Variants in ADGRL2 observed in about 807,000 individuals in gnomAD.
The protein encoded by ADGRL2 is calcium-independent alpha-latrotoxin receptor 2.
Under a neutral mutation model 157.4 loss-of-function variants are expected in ADGRL2, and 44 were observed. The ratio of observed to expected loss-of-function variants is 0.28; its 90% CI spans 0.22 to 0.36. The LOEUF is 0.36. ADGRL2 is among the 10% of genes least tolerant of loss of function. The pLI, the probability that ADGRL2 is intolerant of heterozygous loss-of-function variation, is 1.00. For missense variants in ADGRL2, 1,510 were observed against 1,768.9 expected, an observed-to-expected ratio of 0.85 and a Z score of 2.63; for synonymous variants, 585 against 624.7, an observed-to-expected ratio of 0.94 and a Z score of 0.95.
chr1:81,836,852 AT>A, intron 1 of ADGRL2, 32 bp from the exon 2 acceptor site: 1 of 571,130 alleles, frequency 1.8e-6, no homozygotes, highest in South Asian at 2.4e-5. Flanking sequence ...TAGAAAGACC[AT>A]AGAGTAAGTG....
At chr1:81,466,920 T>C (rs2078067820) in intron 2 of ADGRL2, among the ~76,000 whole-genome samples, 1 of 152,118 alleles carries the variant, frequency 6.6e-6, no homozygotes, top group Non-Finnish European at 1.5e-5. Context: ...GAAGAGGTAA[T>C]CAATCACTCT....
chr1:81,466,281 A>G (rs927835802), intron 2 of ADGRL2, among the ~76,000 whole-genome samples: 1 of 152,196 alleles, frequency 6.6e-6, no homozygotes, highest in Non-Finnish European at 1.5e-5. Context: ...CAAAAGGTAT[A>G]CAGTTATTAA....
At chr1:81,865,314 C>T (rs1165704999) in intron 2 of ADGRL2, among the ~76,000 whole-genome samples, 3 of 152,176 alleles carry the variant, frequency 2.0e-5, no homozygotes, top group Non-Finnish European at 1.5e-5. Context: ...AATCTCCAGT[C>T]AGACTCCTCC....
chr1:81,765,115 T>C (rs2086068321), intron 2 of ADGRL2, among the ~76,000 whole-genome samples: 1 of 151,998 alleles, frequency 6.6e-6, no homozygotes, highest in African/African-American at 2.4e-5. Flanking sequence ...TGAGATAACA[T>C]TGTAAATGAC....
chr1:81,746,067 C>T (rs190615097), intron 1 of ADGRL2, among the ~76,000 whole-genome samples: 2 of 151,948 alleles, frequency 1.3e-5, no homozygotes, highest in East Asian at 1.9e-4. Flanking sequence ...ATAACAGGAA[C>T]CTTCAGAGAT....
intron 17 of ADGRL2, among the ~76,000 whole-genome samples, chr1:81,979,114 G>C (rs1374877182): frequency 6.6e-6 from 1 of 151,680 alleles, no homozygotes; most frequent in Non-Finnish European, 1.5e-5. Flanking sequence ...TTTCCTCTGA[G>C]CAAGCTCATG....
intron 3 of ADGRL2, among the ~76,000 whole-genome samples, chr1:81,664,643 C>A (rs1424022678): frequency 6.6e-6 from 1 of 152,150 alleles, no homozygotes; most frequent in African/African-American, 2.4e-5. Context: ...AGAACACACG[C>A]TGAAGTTTCC....
At chr1:81,721,804 C>G (rs1434216667) in intron 1 of ADGRL2, 11 of 1,128,936 alleles carry the variant, frequency 9.7e-6, no homozygotes, top group South Asian at 1.2e-5. Context: ...TGGGAGCAGG[C>G]GGTAAAGTAC....
At chr1:81,343,374 G>A (rs1311615609) in intron 1 of ADGRL2, among the ~76,000 whole-genome samples, 3 of 152,050 alleles carry the variant, frequency 2.0e-5, no homozygotes, top group African/African-American at 7.3e-5. Context: ...ATAGGCATGA[G>A]CCACTGGGCC....
intron 2 of ADGRL2, among the ~76,000 whole-genome samples, chr1:81,522,407 G>A (rs1281911062): frequency 6.6e-6 from 1 of 152,148 alleles, no homozygotes; most frequent in African/African-American, 2.4e-5. Context: ...TATTGAGGGT[G>A]CTAGGATTAC....
At chr1:81,987,747 T>A (rs1430286524) in intron 22 of ADGRL2, 122 bp from the exon 23 acceptor site, 1 of 213,842 alleles carries the variant, frequency 4.7e-6, no homozygotes, top group Non-Finnish European at 1.0e-5. Context: ...TGATGAATAT[T>A]TGCCACTAAA....
At chr1:81,590,291 A>G (rs540826117) in intron 3 of ADGRL2, among the ~76,000 whole-genome samples, 2 of 152,010 alleles carry the variant, frequency 1.3e-5, no homozygotes, top group Middle Eastern at 3.2e-3. Flanking sequence ...CTTATTTTCT[A>G]TCTCTTTTGA....
intron 3 of ADGRL2, among the ~76,000 whole-genome samples, chr1:81,932,723 C>G (rs952543298): frequency 2.6e-5 from 4 of 151,904 alleles, no homozygotes; most frequent in African/African-American, 9.7e-5. Flanking sequence ...GACGGAGTTT[C>G]ACTCTTGTTG....
intron 1 of ADGRL2, among the ~76,000 whole-genome samples, chr1:81,336,949 G>A (rs962061471): frequency 9.2e-5 from 14 of 151,712 alleles, no homozygotes; most frequent in African/African-American, 3.4e-4. Context: ...AGAGAAGAAG[G>A]AGCTTGACAT....
intron 2 of ADGRL2, among the ~76,000 whole-genome samples, chr1:81,898,500 T>C (rs559472596): frequency 1.1e-4 from 16 of 152,286 alleles, no homozygotes; most frequent in African/African-American, 3.6e-4. Flanking sequence ...AAAAAGTAGA[T>C]GTTTTAGGGT....
intron 6 of ADGRL2, among the ~76,000 whole-genome samples, chr1:81,946,160 C>T (rs932895902): frequency 6.6e-6 from 1 of 152,084 alleles, no homozygotes; most frequent in South Asian, 2.1e-4. Context: ...GATTTGCTAT[C>T]ACATATATGG....
chr1:81,647,617 G>A (rs2082339192), intron 3 of ADGRL2, among the ~76,000 whole-genome samples: 2 of 152,096 alleles, frequency 1.3e-5, no homozygotes, highest in Non-Finnish European at 2.9e-5. Flanking sequence ...CATCCTCAAG[G>A]TATCCCAAAA....
At chr1:81,892,610 G>A (rs1447602917) in intron 2 of ADGRL2, among the ~76,000 whole-genome samples, 1 of 152,098 alleles carries the variant, frequency 6.6e-6, no homozygotes, top group Non-Finnish European at 1.5e-5. Context: ...TGGAATAGTG[G>A]TCAGCAACTG....
chr1:81,842,212 T>C (rs2092611125), intron 2 of ADGRL2, among the ~76,000 whole-genome samples: 1 of 152,042 alleles, frequency 6.6e-6, no homozygotes, highest in South Asian at 2.1e-4. Context: ...ATGAGATGAT[T>C]GATCATGATT....
Sources: allele counts gnomAD v4.1 joint callset (sites outside exome capture counted in the v4.1 genomes callset), GRCh38; gene constraint gnomAD v4.1.1; transcripts MANE v1.5; gene names NCBI Gene and HGNC (gene_info 2026-07-23, HGNC 2026-07-21).